Variants in MMP13 observed in about 807,000 individuals in gnomAD.
MMP13 encodes the protein matrix metallopeptidase 13.
A neutral mutation model predicts 52.1 loss-of-function variants in MMP13; 45 were observed. The ratio of observed to expected loss-of-function variants is 0.86; its 90% CI spans 0.68 to 1.11. The LOEUF (loss-of-function observed/expected upper bound fraction) is 1.11, where lower values mean the gene tolerates loss of function less well. Ranked by LOEUF, MMP13 falls within the 50% of genes least tolerant of loss-of-function variation. The probability of loss-of-function intolerance (pLI) is 0.00; values close to 1 mark genes in which losing one functional copy is unlikely to be tolerated. For missense variants in MMP13, 576 were observed against 583.8 expected (o/e 0.99, Z 0.14); for synonymous variants, 200 against 204.4 (o/e 0.98, Z 0.18).
At chr11:102,948,760 AG>A (rs1270135507) in intron 7 of MMP13, among the ~76,000 whole-genome samples, 2 of 152,194 alleles carry the variant, frequency 1.3e-5, no homozygotes, top group African/African-American at 4.8e-5. Flanking sequence ...ACAATTTTTA[AG>A]CAGAACTAAG....
chr11:102,951,142 A>G (rs935945601), intron 5 of MMP13, among the ~76,000 whole-genome samples: 13 of 150,324 alleles, frequency 8.6e-5, no homozygotes, highest in African/African-American at 3.1e-4. Context: ...ATTATTGAAA[A>G]CTTGGGGGGG....
At chr11:102,945,620 A>T in intron 9 of MMP13, 26 bp downstream of exon 9, 1 of 1,369,582 alleles carries the variant, frequency 7.3e-7, no homozygotes, top group South Asian at 1.2e-5. Flanking sequence ...GCTCCTCTTT[A>T]AAGTCAGTGC....
At chr11:102,950,003 C>T in intron 6 of MMP13, 107 bp downstream of exon 6, 1 of 904,266 alleles carries the variant, frequency 1.1e-6, no homozygotes, top group Non-Finnish European at 1.9e-6. Context: ...CCCATTTTTA[C>T]TGCTAACTTC....
rs1278004037 is a variant in MMP13, at chr11:102,952,050, A to G, written c.761T>C (p.Leu254Pro). Residue 254 changes from leucine to proline, a missense_variant, in exon 5 of 10, where the codon CTT becomes CCT. Transcript: ENST00000260302. This position sits in a 1 kb window ranked among gnomAD's most constrained non-coding sequence, Gnocchi z 4.3. ...GATCCCTTGTACATCGTCATCAGGAAGCATAAAGTGGCTTTTGCCGGTGTA... is the reference window on the plus strand; with the variant it reads ...GATCCCTTGTACATCGTCATCAGGAGGCATAAAGTGGCTTTTGCCGGTGTA... ...YTYTGKSHFMLPDDDVQGIQS... is the reference protein window; with the variant it reads ...YTYTGKSHFMPPDDDVQGIQS... The G allele has an allele frequency of 3.1e-6, 5 of 1,613,432 alleles. No homozygotes were observed. Among genetic ancestry groups the G allele is most frequent in the South Asian group, 2.2e-5 (2 of 91,082 alleles).
rs782188703 is a variant in MMP13, at chr11:102,945,711, G to T, written c.1250C>A (p.Pro417Gln). ...DTNHIMDKDYPRLIEEDFPGI... is the reference protein window; with the variant it reads ...DTNHIMDKDYQRLIEEDFPGI... The stretch of plus-strand genomic sequence containing the variant: ...TGGGAAGTCTTCTTCTATTAGTCTC[G>T]GATAGTCTTTATCCATAATATGGTT... The change falls in exon 9 of 10, where the codon CCG becomes CAG. Residue 417 changes from proline to glutamine, a missense_variant. Physicochemically the swap from Pro to Gln is moderately conservative, Grantham distance 76. Transcript: ENST00000260302. 1 of 1,602,088 alleles carries T rather than the reference G, an allele frequency of 6.2e-7. No homozygotes were observed. Among genetic ancestry groups the T allele is most frequent in the Non-Finnish European group, 8.5e-7 (1 of 1,170,556 alleles).
In MMP13 at chr11:102,944,175, T is replaced by A. The variant is rs563230119; in HGVS notation, c.*91A>T. ...AGCTTGTTCACAGAACCAAGCTTTC[T>A]CCTGATAGCTCTTCTTCCCCTACCC... is the stretch of plus-strand genomic sequence containing the variant. On this transcript the variant is annotated 3_prime_UTR_variant, in exon 10 of 10. Coordinates refer to ENST00000260302, the MANE Select transcript of MMP13 (RefSeq NM_002427.4). 1.1e-6 allele frequency: 1 copy of A among 927,784 alleles called. No individual in the cohort carries two copies. The highest frequency in any genetic ancestry group is 1.6e-5 in the African/African-American group (1 of 61,796). 57.5% of individuals were successfully genotyped at this position (927,784 alleles called of 1,614,324 possible). A position where few individuals can be genotyped will look rare whatever the true frequency, so the allele number is the denominator to read the frequency against.
Position 102,955,378 on chromosome 11 carries a change from AC to A in MMP13, c.235del (p.Val79Ter). The A allele has an allele frequency of 6.2e-7, 1 of 1,613,940 alleles. No homozygotes were observed. Among genetic ancestry groups the A allele is most frequent in the Non-Finnish European group, 8.5e-7 (1 of 1,179,912 alleles). ...GGTGTTATCGTCAAGTTTGCCAGTCACCTCTAAGCCGAAGAAAGACTGCATT... is the reference window on the plus strand; with the variant it reads ...GGTGTTATCGTCAAGTTTGCCAGTCACTCTAAGCCGAAGAAAGACTGCATT... ...REMQSFFGLE[V>X]TGKLDDNTLD... On this transcript the variant is annotated frameshift_variant, in exon 2 of 10. Transcript: ENST00000260302. LOFTEE classifies it high-confidence loss of function. This position sits in a 1 kb window ranked among gnomAD's most constrained non-coding sequence, Gnocchi z 4.9.
Position 102,944,227 on chromosome 11 carries a change from T to C in MMP13, c.*39A>G, listed in dbSNP as rs782298162. 11 of 1,486,254 alleles carry C rather than the reference T, an allele frequency of 7.4e-6. No individual in the cohort carries two copies. Among genetic ancestry groups the C allele is most frequent in the Non-Finnish European group, 9.4e-6 (10 of 1,065,190 alleles). The allele number at this position is 1,486,254 out of a possible 1,614,324, so 92.1% of individuals were successfully genotyped here. A position where few individuals can be genotyped will look rare whatever the true frequency, so the allele number is the denominator to read the frequency against. Reference sequence around the variant, plus strand: ...GCACTTCTGGAAGTATTACCCCAAATGCTCTTCAGGATTTAAATAACAATT... The same window carrying C: ...GCACTTCTGGAAGTATTACCCCAAACGCTCTTCAGGATTTAAATAACAATT... On this transcript the variant is annotated 3_prime_UTR_variant, in exon 10 of 10. Transcript: ENST00000260302.
Position 102,955,394 on chromosome 11 carries a change from A to C in MMP13, c.220T>G (p.Phe74Val). ...MTERLREMQSFFGLEVTGKLD... is the reference protein window; with the variant it reads ...MTERLREMQSVFGLEVTGKLD... ...TTGCCAGTCACCTCTAAGCCGAAGA[A>C]AGACTGCATTTCTCGGAGCCTCTCA... The change falls in exon 2 of 10, where the codon TTC becomes GTC. Residue 74 changes from phenylalanine (F) to valine (V), a missense_variant. By Grantham distance (50) the Phe-to-Val change is conservative. Transcript: ENST00000260302. The surrounding 1 kb of genome is among the most constrained non-coding windows in gnomAD (Gnocchi z 4.9). The C allele has an allele frequency of 6.2e-7, 1 of 1,614,038 alleles. No individual in the cohort carries two copies. The highest frequency in any genetic ancestry group is 8.5e-7 in the Non-Finnish European group (1 of 1,179,950).
Position 102,950,242 on chromosome 11 carries a change from G to C in MMP13, c.800-15C>G, listed in dbSNP as rs1860588677. The C allele has an allele frequency of 6.3e-7, 1 of 1,581,494 alleles. No individual in the cohort carries two copies. Among genetic ancestry groups the C allele is most frequent in the Non-Finnish European group, 8.7e-7 (1 of 1,150,456 alleles). The stretch of plus-strand genomic sequence containing the variant: ...ATCTCCTGGACCTGTAGTCGTGAAA[G>C]GCAAGAGAGAAGTTATGAGTGTGAC... On this transcript the variant is annotated splice_polypyrimidine_tract_variant and intron_variant, in intron 5 of 9. Coordinates refer to ENST00000260302, the MANE Select transcript of MMP13 (RefSeq NM_002427.4).
chr11:102,946,533 C>T (rs17860575), intron 8 of MMP13, among the ~76,000 whole-genome samples: 8,865 of 152,120 alleles, frequency 0.058, 345 homozygotes, highest in Non-Finnish European at 0.087. Context: ...TACAGGAAGC[C>T]GGGCAATAAC....
rs529936940 is a variant in MMP13 at position 102,952,570 on chromosome 11, T to C, written c.638-397A>G. On this transcript the variant is annotated intron_variant, in intron 4 of 9. Transcript: ENST00000260302. The surrounding 1 kb of genome is among the most constrained non-coding windows in gnomAD (Gnocchi z 4.3). Reference sequence around the variant, plus strand: ...TGGGGAAATCACATAGGGTGGTACCTAGCTAGGGTGCTGCCCAGAACATCC... The same window carrying C: ...TGGGGAAATCACATAGGGTGGTACCCAGCTAGGGTGCTGCCCAGAACATCC... Among the ~76,000 whole-genome samples, 1 of 152,262 alleles carries C rather than the reference T, an allele frequency of 6.6e-6. No homozygotes were observed. The highest frequency in any genetic ancestry group is 1.9e-4 in the East Asian group (1 of 5,180).
At chr11:102,950,800 TATA>T (rs1437756487) in intron 5 of MMP13, among the ~76,000 whole-genome samples, 2 of 152,250 alleles carry the variant, frequency 1.3e-5, no homozygotes, top group South Asian at 2.1e-4. Flanking sequence ...GGGTGCAGTA[TATA>T]ATAATAATAA....
chr11:102,946,970 T>G (rs1337949761), intron 8 of MMP13, among the ~76,000 whole-genome samples: 1 of 152,196 alleles, frequency 6.6e-6, no homozygotes, highest in Non-Finnish European at 1.5e-5. Flanking sequence ...TGATGAGATA[T>G]TCCCATTCCC....
chr11:102,947,315 G>A lies in MMP13; in HGVS notation c.1211+576C>T, dbSNP rs72985589. On this transcript the variant is annotated intron_variant, in intron 8 of 9. Transcript: ENST00000260302. Reference sequence around the variant, plus strand: ...GTGCCAATTGGGTGTGGTGGCTCACGACTGTAATTCCACCATTTTGGGAGG... The same window carrying A: ...GTGCCAATTGGGTGTGGTGGCTCACAACTGTAATTCCACCATTTTGGGAGG... 4.2e-3 allele frequency among the ~76,000 whole-genome samples: 637 copies of A among 152,286 alleles called. 5 individuals carry two copies. Among genetic ancestry groups the A allele is most frequent in the African/African-American group, 0.015 (611 of 41,564 alleles).
chr11:102,946,690 T>TA (rs1178995148), intron 8 of MMP13, among the ~76,000 whole-genome samples: 2 of 152,096 alleles, frequency 1.3e-5, no homozygotes, highest in South Asian at 2.1e-4. Flanking sequence ...TAAGGGGATA[T>TA]AAAAAACAGC....
chr11:102,951,900 G>T, intron 5 of MMP13, 112 bp downstream of exon 5: 1 of 1,096,918 alleles, frequency 9.1e-7, no homozygotes, highest in Non-Finnish European at 1.4e-6. Flanking sequence ...TCATGCATGC[G>T]CTTCACTGTA....
At position 102,948,041 on chromosome 11, in the gene MMP13, A is replaced by C. The variant is rs1860544251; in HGVS notation, c.1061T>G (p.Phe354Cys). 6.2e-7 allele frequency: 1 copy of C among 1,613,410 alleles called. No homozygotes were observed. The highest frequency in any genetic ancestry group is 8.5e-7 in the Non-Finnish European group (1 of 1,179,670). The part of the protein sequence containing the change: ...DLIFIFRGRK[F>C]WALNGYDILE... ...AATGTCATAACCATTAAGAGCCCAAAATTTTCTACCTGGAATGAGTGAAAT... is the reference window on the plus strand; with the variant it reads ...AATGTCATAACCATTAAGAGCCCAACATTTTCTACCTGGAATGAGTGAAAT... The change falls in exon 8 of 10, where the codon TTT becomes TGT. Residue 354 changes from phenylalanine to cysteine, a missense_variant. Transcript: ENST00000260302.
chr11:102,951,907 T>C (rs1860618203), intron 5 of MMP13, 105 bp downstream of exon 5: 2 of 1,226,204 alleles, frequency 1.6e-6, no homozygotes, highest in East Asian at 4.7e-5. Context: ...TGCGCTTCAC[T>C]GTACCAAAAC....
Sources: allele counts gnomAD v4.1 joint callset (sites outside exome capture counted in the v4.1 genomes callset), GRCh38; gene constraint gnomAD v4.1.1; non-coding constraint Gnocchi (gnomAD v3.1); transcripts MANE v1.5; gene names NCBI Gene and HGNC (gene_info 2026-07-23, HGNC 2026-07-21).